The following PALB2 variants were observed in gnomAD, a reference collection of about 807,000 sequenced individuals.
PALB2 encodes partner and localizer of BRCA2, also known as mutant partner and localizer of BRCA2.
In PALB2, 82 loss-of-function variants were observed where a neutral mutation model predicts 107.4. That is an observed-to-expected ratio of 0.76 (90% confidence interval 0.64 to 0.92). PALB2 has a LOEUF of 0.92. Among genes scored for constraint, PALB2 ranks in the 40% least tolerant of loss-of-function variants. PALB2 has a pLI of 0.00. For synonymous variants in PALB2, 489 were observed against 496.8 expected, an observed-to-expected ratio of 0.98 and a Z score of 0.21; for missense variants, 1,374 against 1,379.9, an observed-to-expected ratio of 1.00 and a Z score of 0.07.
At chr16:23,634,250 C>T (rs527551246) in intron 4 of PALB2, among the ~76,000 whole-genome samples, 1 of 152,268 alleles carries the variant, frequency 6.6e-6, no homozygotes, top group South Asian at 2.1e-4. Flanking sequence ...TTTTAATCTC[C>T]CTGTACTTTA....
At chr16:23,608,418 G>A (rs1966521117) in intron 11 of PALB2, among the ~76,000 whole-genome samples, 1 of 152,062 alleles carries the variant, frequency 6.6e-6, no homozygotes, top group African/African-American at 2.4e-5. Context: ...GTCTTGCCAG[G>A]CATGAATCTG....
chr16:23,614,940 G>A (rs1331027769), intron 10 of PALB2, among the ~76,000 whole-genome samples: 15 of 145,472 alleles, frequency 1.0e-4, no homozygotes, highest in African/African-American at 3.3e-4. Flanking sequence ...GTGAGCCACC[G>A]CGCCTGGCCT....
intron 3 of PALB2, among the ~76,000 whole-genome samples, chr16:23,637,239 C>T (rs2142452440): frequency 6.6e-6 from 1 of 151,998 alleles, no homozygotes; most frequent in Non-Finnish European, 1.5e-5. Flanking sequence ...CAGAGTGAGA[C>T]TCTGTCTCAA....
chr16:23,633,597 G>A (rs948056256), intron 4 of PALB2, among the ~76,000 whole-genome samples: 1 of 152,132 alleles, frequency 6.6e-6, no homozygotes, highest in African/African-American at 2.4e-5. Flanking sequence ...CCAAAATTCT[G>A]TGTCCCTTGG....
At position 23,630,003 on chromosome 16, in the gene PALB2, G is replaced by A. The variant is rs2142379743; in HGVS notation, c.2151C>T (p.Asp717=). Residue 717 remains aspartate (D), a synonymous_variant, in exon 5 of 13, where the codon GAC becomes GAT. Transcript: ENST00000261584. ...GTGAACACATGTCTGTGGTAGGCCTGTCATTATCATCAGGCGCAACCGTAT... is the reference window on the plus strand; with the variant it reads ...GTGAACACATGTCTGTGGTAGGCCTATCATTATCATCAGGCGCAACCGTAT... ...PLNTVAPDDN[D]RPTTDMCSPA... 1 of 1,614,154 alleles carries A rather than the reference G, an allele frequency of 6.2e-7. No homozygotes were observed. The highest frequency in any genetic ancestry group is 8.5e-7 in the Non-Finnish European group (1 of 1,180,022).
At chr16:23,619,807 T>G (rs1438497253) in intron 10 of PALB2, among the ~76,000 whole-genome samples, 6 of 152,010 alleles carry the variant, frequency 3.9e-5, no homozygotes, top group Admixed American at 6.6e-5. Flanking sequence ...TGAGACAGAA[T>G]CTTGCTCTGT....
In PALB2 at chr16:23,603,200, T is replaced by C. The variant is rs2142249060; in HGVS notation, c.*259A>G. 3 of 420,338 alleles carry C rather than the reference T, an allele frequency of 7.1e-6. No homozygotes were observed. In the East Asian group the frequency reaches 1.2e-4, roughly 17 times the overall value. 26.0% of individuals were successfully genotyped at this position (420,338 alleles called of 1,614,324 possible). A position where few individuals can be genotyped will look rare whatever the true frequency, so the allele number is the denominator to read the frequency against. On this transcript the variant is annotated 3_prime_UTR_variant, in exon 13 of 13. Transcript: ENST00000261584. ...TAAATATTTATTGCCATTTGAAGCT[T>C]TATGTACACCTTTAAAAGCACATGT...
rs876659632 is a variant in PALB2 at position 23,603,603 on chromosome 16, A to C, written c.3417T>G (p.Ile1139Met). ...AAILTSGTIA[I>M]WDLLLGQCTA... ...TACACTGACCGAGAAGTAAGTCCCAAATGGCAATTGTTCCAGAAGTCAAGA... is the reference window on the plus strand; with the variant it reads ...TACACTGACCGAGAAGTAAGTCCCACATGGCAATTGTTCCAGAAGTCAAGA... Residue 1139 changes from isoleucine to methionine, a missense_variant, in exon 13 of 13, where the codon ATT becomes ATG. Physicochemically the swap from Ile to Met is conservative, Grantham distance 10. Transcript: ENST00000261584. The C allele has an allele frequency of 1.2e-6, 2 of 1,614,094 alleles. No homozygotes were observed. Among genetic ancestry groups the C allele is most frequent in the African/African-American group, 1.3e-5 (1 of 74,922 alleles).
chr16:23,629,970 GA>G lies in PALB2; in HGVS notation c.2183del (p.Phe728SerfsTer4). 1 of 1,614,190 alleles carries G rather than the reference GA, an allele frequency of 6.2e-7. No homozygotes were observed. Among genetic ancestry groups the G allele is most frequent in the Non-Finnish European group, 8.5e-7 (1 of 1,180,040 alleles). ...AGGCTGGAGTAGTACCTAAGATGGGGAAAGCAGGTGAACACATGTCTGTGGT... is the reference window on the plus strand; with the variant it reads ...AGGCTGGAGTAGTACCTAAGATGGGGAAGCAGGTGAACACATGTCTGTGGT... Reference protein sequence around the residue: ...RPTTDMCSPAFPILGTTPAFG... With the variant: ...RPTTDMCSPAXPILGTTPAFG... On this transcript the variant is annotated frameshift_variant, in exon 5 of 13. Transcript: ENST00000261584. LOFTEE classifies it high-confidence loss of function.
At chr16:23,639,661 A>T (rs1967162048) in intron 1 of PALB2, among the ~76,000 whole-genome samples, 2 of 151,634 alleles carry the variant, frequency 1.3e-5, no homozygotes, top group Non-Finnish European at 1.5e-5. Context: ...CTCTACTAAA[A>T]ATACAAAAAT....
rs1007749423 is a variant in PALB2, at chr16:23,641,218, A to T, written c.-61T>A. ...CGACCCCAGGCCTGCCGACACCGGG[A>T]CCCAGTTGGCCCTGGGCCGGGGAGG... On this transcript the variant is annotated 5_prime_UTR_variant, in exon 1 of 13. Transcript: ENST00000261584. The T allele has an allele frequency of 8.2e-6, 13 of 1,589,184 alleles. No individual in the cohort carries two copies. The highest frequency in any genetic ancestry group is 1.1e-5 in the Non-Finnish European group (13 of 1,167,468).
At chr16:23,638,665 A>G in intron 1 of PALB2, 3 of 398,596 alleles carry the variant, frequency 7.5e-6, no homozygotes, top group African/African-American at 2.1e-5. Context: ...ATTTACATAC[A>G]GTGAGGGAGA....
intron 10 of PALB2, 125 bp downstream of exon 10, chr16:23,621,237 C>T: frequency 2.7e-6 from 2 of 743,502 alleles, no homozygotes; most frequent in Non-Finnish European, 4.7e-6. Context: ...ACAACAACAG[C>T]AACACAAAAC....
chr16:23,636,102 C>G lies in PALB2; in HGVS notation c.444G>C (p.Lys148Asn), dbSNP rs1060502782. 6.2e-7 allele frequency: 1 copy of G among 1,613,792 alleles called. No individual in the cohort carries two copies. Among genetic ancestry groups the G allele is most frequent in the South Asian group, 1.1e-5 (1 of 91,054 alleles). The change falls in exon 4 of 13, where the codon AAG becomes AAC. Residue 148 changes from lysine to asparagine, a missense_variant. By Grantham distance (94) the Lys-to-Asn change is moderately conservative. Coordinates refer to ENST00000261584, the MANE Select transcript of PALB2 (RefSeq NM_024675.4). ...AAATAAATGTCCTCTTCTGCTGCTT[C>G]TTTCTTCTGCTTGGCAGCTTCTGCT... is the stretch of plus-strand genomic sequence containing the variant. ...EQKQKLPSRR[K>N]KQQKRTFISQ...
chr16:23,622,914 T>C (rs913474031), intron 9 of PALB2, 55 bp downstream of exon 9: 3 of 1,603,502 alleles, frequency 1.9e-6, no homozygotes, highest in Non-Finnish European at 2.6e-6. Flanking sequence ...CTCTGAAACC[T>C]GTGATAAAAT....
intron 9 of PALB2, 92 bp downstream of exon 9, chr16:23,622,877 A>G (rs1966796348): frequency 1.4e-6 from 2 of 1,463,396 alleles, no homozygotes; most frequent in African/African-American, 2.8e-5. Context: ...CCAGCACAGA[A>G]AAACGAGATC....
At position 23,626,403 on chromosome 16, in the gene PALB2, A is replaced by G. The variant is rs1567215608; in HGVS notation, c.2587-6T>C. 1 of 1,614,210 alleles carries G rather than the reference A, an allele frequency of 6.2e-7. No individual in the cohort carries two copies. Among genetic ancestry groups the G allele is most frequent in the Non-Finnish European group, 8.5e-7 (1 of 1,180,036 alleles). ...GAACAGGAACCTGAAGGATTCTGAC[A>G]CAATGGCAACAGTTCTGTTAAAGTG... On this transcript the variant is annotated splice_region_variant and splice_polypyrimidine_tract_variant and intron_variant, in intron 6 of 12. Coordinates refer to ENST00000261584, the MANE Select transcript of PALB2 (RefSeq NM_024675.4).
intron 4 of PALB2, among the ~76,000 whole-genome samples, chr16:23,631,473 A>T (rs1327285388): frequency 1.3e-5 from 2 of 151,612 alleles, no homozygotes; most frequent in Admixed American, 1.3e-4. Context: ...TGTCTCAAAA[A>T]ATAAATAAAT....
At chr16:23,633,675 G>T (rs1966913113) in intron 4 of PALB2, among the ~76,000 whole-genome samples, 1 of 152,090 alleles carries the variant, frequency 6.6e-6, no homozygotes, top group African/African-American at 2.4e-5. Context: ...ATTACATGAT[G>T]ACTTCTAAAA....
Sources: gnomAD v4.1 joint callset for allele counts (sites outside exome capture counted in the v4.1 genomes callset) on GRCh38, gnomAD v4.1.1 for gene constraint, MANE v1.5 for transcripts, NCBI Gene and HGNC (gene_info 2026-07-23, HGNC 2026-07-21) for gene names.